The following CHM variants were observed in gnomAD, a reference collection of about 807,000 sequenced individuals.
The protein encoded by CHM is CHM Rab escort protein, also known as rab proteins geranylgeranyltransferase component A 1.
In CHM, 10 loss-of-function variants were observed where a neutral mutation model predicts 49.0. The observed-to-expected ratio is 0.20, with a 90% CI of 0.13 to 0.35. The LOEUF is 0.35. CHM is among the 10% of genes least tolerant of loss of function. The pLI is 1.00. For missense variants in CHM, 455 were observed against 478.4 expected (o/e 0.95, Z 0.46); for synonymous variants, 184 against 167.5 (o/e 1.10, Z -0.76).
chrX:85,889,224 T>A (rs774003320), intron 12 of CHM, among the ~76,000 whole-genome samples: 64 of 112,087 alleles, frequency 5.7e-4, no homozygotes, highest in African/African-American at 2.0e-3. Flanking sequence ...GGGACTTCAT[T>A]AAACTAAAGA....
At chrX:86,029,094 G>C (rs1180662304) in intron 1 of CHM, among the ~76,000 whole-genome samples, 1 of 112,075 alleles carries the variant, frequency 8.9e-6, no homozygotes, top group Admixed American at 9.5e-5. Context: ...CAAAACAAAA[G>C]AAGTTCTAAC....
intron 8 of CHM, among the ~76,000 whole-genome samples, chrX:85,916,680 A>C (rs141535621): frequency 2.3e-3 from 254 of 112,777 alleles, no homozygotes; most frequent in African/African-American, 7.9e-3. Flanking sequence ...GCAGCCAACA[A>C]GCATATGGAA....
intron 2 of CHM, among the ~76,000 whole-genome samples, chrX:86,025,128 G>C (rs921730889): frequency 1.8e-5 from 2 of 111,294 alleles, no homozygotes; most frequent in African/African-American, 6.5e-5. Flanking sequence ...TCAATACCTA[G>C]ATGTATCTAA....
intron 2 of CHM, chrX:86,026,900 T>C (rs1428200088): frequency 3.6e-5 from 4 of 112,596 alleles, no homozygotes; most frequent in Non-Finnish European, 7.4e-5. Context: ...TAGGGGTTTG[T>C]TTTGGGCGGA....
At chrX:86,043,553 G>A (rs577829415) in intron 1 of CHM, among the ~76,000 whole-genome samples, 92 of 109,721 alleles carry the variant, frequency 8.4e-4, no homozygotes, top group African/African-American at 3.0e-3. Context: ...CTACAGGCAC[G>A]TGTCACCATA....
rs145496784 is a variant in CHM, at chrX:86,044,626, C to T, written c.49+2858G>A. On this transcript the variant is annotated intron_variant, in intron 1 of 14. Transcript: ENST00000357749. ...CCAGTGAGATGTAATGTTACTGGGA[C>T]GACTTTTAACGTTCAACCAATGGTA... 4.6e-3 allele frequency among the ~76,000 whole-genome samples: 513 copies of T among 111,595 alleles called. 4 individuals are homozygous for T. The highest frequency in any genetic ancestry group is 0.016 in the African/African-American group (487 of 30,741).
intron 8 of CHM, among the ~76,000 whole-genome samples, chrX:85,937,094 G>A (rs777174307): frequency 1.3e-3 from 144 of 109,041 alleles, no homozygotes; most frequent in African/African-American, 4.5e-3. Context: ...GTGAAACCCC[G>A]TCTCTACTAA....
intron 2 of CHM, among the ~76,000 whole-genome samples, chrX:86,006,699 C>G (rs900854614): frequency 1.8e-5 from 2 of 111,432 alleles, no homozygotes; most frequent in African/African-American, 3.3e-5. Flanking sequence ...ATACAACTTA[C>G]AAGGGATGTG....
chrX:85,937,004 C>T (rs1330743077), intron 8 of CHM, among the ~76,000 whole-genome samples: 2 of 111,239 alleles, frequency 1.8e-5, no homozygotes, highest in African/African-American at 3.3e-5. Flanking sequence ...CAGTGGCTCA[C>T]GCCTGTAATC....
chrX:85,880,987 T>C (rs1053636772), intron 12 of CHM, among the ~76,000 whole-genome samples: 14 of 112,299 alleles, frequency 1.2e-4, no homozygotes, highest in South Asian at 3.7e-4. Flanking sequence ...AATTCATTGA[T>C]TCTCAACATT....
intron 12 of CHM, 32 bp downstream of exon 12, chrX:85,894,156 C>T: frequency 1.8e-6 from 2 of 1,106,818 alleles, no homozygotes; most frequent in Non-Finnish European, 1.2e-6. Flanking sequence ...TAAACAAACA[C>T]AAAATACAAA....
At chrX:86,033,859 TA>T (rs1487444091) in intron 1 of CHM, among the ~76,000 whole-genome samples, 2 of 112,239 alleles carry the variant, frequency 1.8e-5, no homozygotes, top group African/African-American at 6.5e-5. Flanking sequence ...AAATGTAATT[TA>T]AAATCTCTGA....
intron 2 of CHM, among the ~76,000 whole-genome samples, chrX:86,015,554 G>C (rs1354162406): frequency 2.7e-5 from 3 of 111,705 alleles, no homozygotes; most frequent in Non-Finnish European, 5.6e-5. Flanking sequence ...GGAGGGCTCA[G>C]AAAAAGACAG....
At chrX:85,993,130 T>C (rs1342222166) in intron 2 of CHM, among the ~76,000 whole-genome samples, 1 of 111,627 alleles carries the variant, frequency 9.0e-6, no homozygotes, top group African/African-American at 3.3e-5. Flanking sequence ...AATCTACTTC[T>C]AGTTGGTTGA....
chrX:85,993,490 C>T (rs1932303844), intron 2 of CHM, among the ~76,000 whole-genome samples: 1 of 112,026 alleles, frequency 8.9e-6, no homozygotes, highest in Admixed American at 9.5e-5. Flanking sequence ...GGTTTCCCTG[C>T]CTGTAGTTTC....
chrX:85,968,113 A>G (rs887967682), intron 4 of CHM, among the ~76,000 whole-genome samples: 4 of 112,106 alleles, frequency 3.6e-5, no homozygotes, highest in Admixed American at 2.8e-4. Flanking sequence ...TGATTTTCAC[A>G]GTATATATTA....
At chrX:86,014,904 A>G (rs1462654149) in intron 2 of CHM, among the ~76,000 whole-genome samples, 3 of 111,240 alleles carry the variant, frequency 2.7e-5, no homozygotes, top group Non-Finnish European at 5.7e-5. Context: ...AAAATCAAAC[A>G]TAATAACAAT....
chrX:86,016,897 A>AGG (rs1933326655), intron 2 of CHM, among the ~76,000 whole-genome samples: 1 of 112,379 alleles, frequency 8.9e-6, no homozygotes, highest in South Asian at 3.7e-4. Flanking sequence ...AGCAGCCAGG[A>AGG]GGGAGGCTGT....
At chrX:86,039,963 A>G (rs902713904) in intron 1 of CHM, among the ~76,000 whole-genome samples, 3 of 111,822 alleles carry the variant, frequency 2.7e-5, no homozygotes, top group African/African-American at 9.8e-5. Context: ...TCCATCAGCA[A>G]TAAGATCCCC....
Sources: gnomAD v4.1 joint callset for allele counts (sites outside exome capture counted in the v4.1 genomes callset) on GRCh38, gnomAD v4.1.1 for gene constraint, MANE v1.5 for transcripts, NCBI Gene and HGNC (gene_info 2026-07-23, HGNC 2026-07-21) for gene names.